PALLD: variants seen among roughly 807,000 people sequenced by gnomAD.
PALLD encodes the protein palladin.
PALLD carries 61 observed loss-of-function variants against 123.5 expected under a neutral mutation model. That is an observed-to-expected ratio of 0.49 (90% CI 0.40 to 0.61). The LOEUF is 0.61. Ranked by LOEUF, PALLD falls within the 20% of genes least tolerant of loss-of-function variation. The pLI is 0.00. For missense variants in PALLD, 1,273 were observed against 1,377.0 expected (o/e 0.92, Z 1.20); for synonymous variants, 465 against 496.4 (o/e 0.94, Z 0.84).
At chr4:168,834,566 G>A (rs1268695230) in intron 10 of PALLD, among the ~76,000 whole-genome samples, 1 of 152,124 alleles carries the variant, frequency 6.6e-6, no homozygotes, top group Non-Finnish European at 1.5e-5. Flanking sequence ...GTGAAACCCG[G>A]TCTCTACTAA....
intron 2 of PALLD, among the ~76,000 whole-genome samples, chr4:168,583,291 T>A (rs1770476906): frequency 1.3e-5 from 2 of 152,186 alleles, no homozygotes; most frequent in Non-Finnish European, 2.9e-5. Flanking sequence ...GAAATATCCT[T>A]TATAATTATC....
At chr4:168,870,211 C>T (rs1353701818) in intron 10 of PALLD, among the ~76,000 whole-genome samples, 2 of 152,162 alleles carry the variant, frequency 1.3e-5, no homozygotes, top group African/African-American at 4.8e-5. Context: ...TTCCATGTTT[C>T]CTTTAAGGGA....
intron 10 of PALLD, among the ~76,000 whole-genome samples, chr4:168,791,318 C>T (rs62334302): frequency 0.13 from 20,389 of 152,214 alleles, 1,665 homozygotes; most frequent in Non-Finnish European, 0.19. Flanking sequence ...CTCTGGGACC[C>T]TGTATTACTC....
At position 168,926,471 on chromosome 4, in the gene PALLD, A is replaced by AACAT. The variant is rs1195992544; in HGVS notation, c.*294_*297dup. ...TTTGTCACATTATGTAAAAGGCAGA[A>AACAT]ACATACCTTTGACTATAAGAAATTA... On this transcript the variant is annotated 3_prime_UTR_variant, in exon 22 of 22. Coordinates refer to ENST00000505667, the MANE Select transcript of PALLD (RefSeq NM_001166108.2). The AACAT allele has an allele frequency of 3.3e-6, 3 of 916,590 alleles. No homozygotes were observed. Among genetic ancestry groups the AACAT allele is most frequent in the Non-Finnish European group, 4.9e-6 (3 of 615,258 alleles). 56.8% of individuals were successfully genotyped at this position (916,590 alleles called of 1,614,324 possible). A position where few individuals can be genotyped will look rare whatever the true frequency, so the allele number is the denominator to read the frequency against.
At chr4:168,841,986 C>T in intron 10 of PALLD, among the ~76,000 whole-genome samples, 1 of 152,176 alleles carries the variant, frequency 6.6e-6, no homozygotes, top group Non-Finnish European at 1.5e-5. Context: ...AATCCAGCTC[C>T]ACTGTTAATA....
At chr4:168,897,262 T>G (rs2151246955) in intron 13 of PALLD, among the ~76,000 whole-genome samples, 1 of 152,364 alleles carries the variant, frequency 6.6e-6, no homozygotes, top group East Asian at 1.9e-4. Context: ...TTGATAGTAA[T>G]TAGATGAAGC....
chr4:168,615,782 T>C (rs6836443), intron 2 of PALLD, among the ~76,000 whole-genome samples: 29,994 of 152,052 alleles, frequency 0.2, 3,165 homozygotes, highest in East Asian at 0.31. Context: ...CCATTCCGAA[T>C]CCCACCAGTG....
At chr4:168,598,315 T>A (rs1772192458) in intron 2 of PALLD, 3 of 450,970 alleles carry the variant, frequency 6.7e-6, no homozygotes, top group South Asian at 5.9e-5. Context: ...CATCATTGTC[T>A]TCTGGGTTTG....
chr4:168,600,091 G>GTGTATGCACACACATATATACATA (rs1561291419), intron 2 of PALLD, among the ~76,000 whole-genome samples: 5 of 133,898 alleles, frequency 3.7e-5, no homozygotes, highest in Admixed American at 1.5e-4. Context: ...ATATATACAT[G>GTGTATGCACACACATATATACATA]CATGTGTATG....
At chr4:168,821,835 G>A (rs535175034) in intron 10 of PALLD, among the ~76,000 whole-genome samples, 87 of 147,448 alleles carry the variant, frequency 5.9e-4, no homozygotes, top group Admixed American at 8.3e-4. Flanking sequence ...AGCCGACATC[G>A]TGCCATCACA....
intron 10 of PALLD, among the ~76,000 whole-genome samples, chr4:168,807,711 G>A (rs768578887): frequency 9.3e-5 from 14 of 150,734 alleles, no homozygotes; most frequent in Non-Finnish European, 1.5e-4. Flanking sequence ...GCCTGGCCTC[G>A]TTTTTTCCTT....
intron 2 of PALLD, among the ~76,000 whole-genome samples, chr4:168,571,146 G>A (rs899534062): frequency 2.6e-5 from 4 of 152,046 alleles, no homozygotes; most frequent in Non-Finnish European, 4.4e-5. Flanking sequence ...CCTAACCACC[G>A]TTGCCTTCTT....
At chr4:168,670,474 C>CT (rs34821821) in intron 3 of PALLD, among the ~76,000 whole-genome samples, 1 of 151,944 alleles carries the variant, frequency 6.6e-6, no homozygotes, top group Non-Finnish European at 1.5e-5. Context: ...TGGCTCACGC[C>CT]TGTAATCCCA....
chr4:168,789,047 G>A (rs1167598095), intron 10 of PALLD, among the ~76,000 whole-genome samples: 1 of 152,140 alleles, frequency 6.6e-6, no homozygotes, highest in Non-Finnish European at 1.5e-5. Context: ...TATGATCTAT[G>A]TGTACATTTC....
intron 2 of PALLD, among the ~76,000 whole-genome samples, chr4:168,663,774 G>A (rs181412650): frequency 9.2e-5 from 14 of 152,084 alleles, no homozygotes; most frequent in East Asian, 5.8e-4. Flanking sequence ...CGTCTGTATT[G>A]TTTCCTCATG....
chr4:168,750,835 T>A (rs1201673288), intron 10 of PALLD, among the ~76,000 whole-genome samples: 3 of 152,212 alleles, frequency 2.0e-5, no homozygotes, highest in African/African-American at 7.2e-5. Flanking sequence ...CTGGAATTGT[T>A]CTCCATTTTA....
At position 168,710,730 on chromosome 4, in the gene PALLD, C is replaced by T. The variant is rs530307786; in HGVS notation, c.1622-851C>T. Reference sequence around the variant, plus strand: ...AAAGAGGACCCCAGCGTTTTGATTCCGAGTTGGCTTCAACACTGTCCCATC... The same window carrying T: ...AAAGAGGACCCCAGCGTTTTGATTCTGAGTTGGCTTCAACACTGTCCCATC... On this transcript the variant is annotated intron_variant, in intron 9 of 21. Transcript: ENST00000505667. Among the ~76,000 whole-genome samples the T allele has an allele frequency of 2.2e-3, 339 of 152,280 alleles. 1 individual carries two copies. Among genetic ancestry groups the T allele is most frequent in the Non-Finnish European group, 3.5e-3 (235 of 68,022 alleles).
At chr4:168,738,425 T>C (rs1219470112) in intron 10 of PALLD, among the ~76,000 whole-genome samples, 2 of 152,052 alleles carry the variant, frequency 1.3e-5, no homozygotes, top group Non-Finnish European at 2.9e-5. Context: ...CTATCTACTT[T>C]TCATTTTTTA....
chr4:168,716,638 A>G (rs1175717906), intron 10 of PALLD, among the ~76,000 whole-genome samples: 1 of 152,212 alleles, frequency 6.6e-6, no homozygotes, highest in Non-Finnish European at 1.5e-5. Flanking sequence ...AGAAAGACAT[A>G]GCCTATAAAA....
Sources: allele counts gnomAD v4.1 joint callset (sites outside exome capture counted in the v4.1 genomes callset), GRCh38; gene constraint gnomAD v4.1.1; transcripts MANE v1.5; gene names NCBI Gene and HGNC (gene_info 2026-07-23, HGNC 2026-07-21).